The following PFDN2 variants were observed in gnomAD, a reference collection of about 807,000 sequenced individuals.
PFDN2 encodes the protein prefoldin subunit 2.
In PFDN2, 7 loss-of-function variants were observed where a neutral mutation model predicts 18.3. The ratio of observed to expected loss-of-function variants is 0.38; its 90% CI spans 0.22 to 0.72. PFDN2 has a LOEUF of 0.72. Among genes scored for constraint, PFDN2 ranks in the 30% least tolerant of loss-of-function variants. PFDN2 has a pLI of 0.47. For synonymous variants in PFDN2, 76 were observed against 75.0 expected, an observed-to-expected ratio of 1.01 and a Z score of -0.07; for missense variants, 181 against 199.1, an observed-to-expected ratio of 0.91 and a Z score of 0.55.
intron 2 of PFDN2, 55 bp from the exon 3 acceptor site, chr1:161,102,226 T>A: frequency 6.2e-7 from 1 of 1,613,392 alleles, no homozygotes; most frequent in Non-Finnish European, 8.5e-7. Flanking sequence ...CTACTACAAA[T>A]CCCCCTCACG....
At chr1:161,112,137 T>G (rs1654824585) in intron 1 of PFDN2, among the ~76,000 whole-genome samples, 1 of 152,210 alleles carries the variant, frequency 6.6e-6, no homozygotes, top group South Asian at 2.1e-4. Context: ...ACAGAATGCA[T>G]AAGTATTAAT....
At chr1:161,104,700 A>T (rs548791588) in intron 1 of PFDN2, among the ~76,000 whole-genome samples, 15 of 152,204 alleles carry the variant, frequency 9.9e-5, no homozygotes, top group Admixed American at 2.6e-4. Flanking sequence ...AAGTGCTGGG[A>T]TTACAGGCAT....
intron 1 of PFDN2, among the ~76,000 whole-genome samples, chr1:161,109,530 T>A (rs1263809632): frequency 6.6e-6 from 1 of 152,236 alleles, no homozygotes; most frequent in Non-Finnish European, 1.5e-5. Context: ...ATAGTCCTAC[T>A]ATAATCTGCC....
chr1:161,101,712 G>T (rs1654565360), intron 3 of PFDN2, among the ~76,000 whole-genome samples: 1 of 152,178 alleles, frequency 6.6e-6, no homozygotes, highest in Admixed American at 6.5e-5. Flanking sequence ...TCTTGTCTAA[G>T]AGTTGCACTT....
At chr1:161,100,927 T>C in intron 3 of PFDN2, 68 bp from the exon 4 acceptor site, 1 of 1,190,340 alleles carries the variant, frequency 8.4e-7, no homozygotes, top group South Asian at 1.3e-5. Context: ...GAATGGACTA[T>C]GGTTGGAGGA....
chr1:161,110,176 A>G (rs1571187127), intron 1 of PFDN2, among the ~76,000 whole-genome samples: 1 of 151,976 alleles, frequency 6.6e-6, no homozygotes, highest in South Asian at 2.1e-4. Flanking sequence ...CCTGGCCAAC[A>G]TGGTGAAACC....
intron 1 of PFDN2, among the ~76,000 whole-genome samples, chr1:161,107,168 G>A (rs1321204137): frequency 6.6e-6 from 1 of 152,216 alleles, no homozygotes; most frequent in East Asian, 1.9e-4. Flanking sequence ...GCTCACGCCT[G>A]TAATCCCAGC....
At chr1:161,108,773 ATCTCT>A (rs1557963987) in intron 1 of PFDN2, among the ~76,000 whole-genome samples, 1 of 152,142 alleles carries the variant, frequency 6.6e-6, no homozygotes, top group Non-Finnish European at 1.5e-5. Flanking sequence ...TCATGATTAT[ATCTCT>A]TCTCTTTCCC....
At chr1:161,107,330 CAGG>C (rs1447891860) in intron 1 of PFDN2, among the ~76,000 whole-genome samples, 3 of 145,046 alleles carry the variant, frequency 2.1e-5, no homozygotes, top group Non-Finnish European at 4.5e-5. Flanking sequence ...GAGGCTGAGG[CAGG>C]AGAACTGCTT....
intron 1 of PFDN2, among the ~76,000 whole-genome samples, chr1:161,103,933 C>T (rs899649051): frequency 6.6e-6 from 1 of 152,042 alleles, no homozygotes; most frequent in Non-Finnish European, 1.5e-5. Context: ...AGACATTTAA[C>T]CCTGTGGTTC....
At chr1:161,105,198 A>C (rs1441252741) in intron 1 of PFDN2, among the ~76,000 whole-genome samples, 1 of 151,964 alleles carries the variant, frequency 6.6e-6, no homozygotes, top group Non-Finnish European at 1.5e-5. Context: ...CCAACTTTTA[A>C]CTCCTGGGCT....
intron 3 of PFDN2, among the ~76,000 whole-genome samples, chr1:161,101,415 G>C (rs1654558082): frequency 6.6e-6 from 1 of 151,938 alleles, no homozygotes; most frequent in Admixed American, 6.6e-5. Flanking sequence ...TAGCCAGGAT[G>C]GTCTTGACCT....
At chr1:161,108,445 G>C (rs11581052) in intron 1 of PFDN2, among the ~76,000 whole-genome samples, 1,982 of 118,682 alleles carry the variant, frequency 0.017, 12 homozygotes, top group Non-Finnish European at 0.023. Context: ...GCACAAGACC[G>C]AAACTCCGTC....
intron 1 of PFDN2, among the ~76,000 whole-genome samples, chr1:161,104,335 G>A (rs941131756): frequency 2.6e-5 from 4 of 151,740 alleles, no homozygotes; most frequent in African/African-American, 9.7e-5. Flanking sequence ...CCAAATACGA[G>A]TGTATTTGCA....
chr1:161,111,149 G>T (rs953366393), intron 1 of PFDN2, among the ~76,000 whole-genome samples: 1 of 151,748 alleles, frequency 6.6e-6, no homozygotes, highest in Non-Finnish European at 1.5e-5. Flanking sequence ...CCGAGATGGG[G>T]GTCTTACTAT....
At position 161,118,005 on chromosome 1, in the gene PFDN2, C is replaced by G; in HGVS notation, c.22G>C (p.Ala8Pro). ...GCGCCGCTCCCGCTGCTCTTGCCGG[C>G]GCGACCGCTGTTCTCCGCCATCTTC... The part of the protein sequence containing the change: MAENSGR[A>P]GKSSGSGAGK... The change falls in exon 1 of 4, where the codon GCC becomes CCC. Residue 8 changes from alanine (A) to proline (P), a missense_variant. Physicochemically the swap from Ala to Pro is conservative, Grantham distance 27. Coordinates refer to ENST00000368010, the MANE Select transcript of PFDN2 (RefSeq NM_012394.4). The G allele has an allele frequency of 6.2e-7, 1 of 1,612,278 alleles. No individual in the cohort carries two copies. Among genetic ancestry groups the G allele is most frequent in the Non-Finnish European group, 8.5e-7 (1 of 1,179,490 alleles).
intron 1 of PFDN2, among the ~76,000 whole-genome samples, chr1:161,115,910 G>A (rs934727292): frequency 6.6e-5 from 10 of 152,056 alleles, no homozygotes; most frequent in Admixed American, 2.6e-4. Flanking sequence ...AGAGTGCTTG[G>A]CCCATGGTAG....
At chr1:161,116,578 T>C (rs1240499677) in intron 1 of PFDN2, among the ~76,000 whole-genome samples, 2 of 152,166 alleles carry the variant, frequency 1.3e-5, no homozygotes, top group African/African-American at 4.8e-5. Context: ...AGAAACCATA[T>C]TCCATAGCAC....
rs1654584423 is a variant in PFDN2 at position 161,102,314 on chromosome 1, T to G, written c.137A>C (p.Glu46Ala). Residue 46 changes from glutamate (E) to alanine (A), a missense_variant, in exon 2 of 4, where the codon GAG (glutamate) becomes GCG (alanine). Glu to Ala is a moderately radical substitution (Grantham distance 107). Transcript: ENST00000368010. ...GTGCTCATTCAACTCCATCTCCAAC[T>G]CAGCTGCTTTGGATGCCAGGCCTCG... The part of the protein sequence containing the change: ...EQRGLASKAA[E>A]LEMELNEHSL... 6.2e-7 allele frequency: 1 copy of G among 1,614,086 alleles called. No individual in the cohort carries two copies. Among genetic ancestry groups the G allele is most frequent in the Non-Finnish European group, 8.5e-7 (1 of 1,179,956 alleles).
Sources: allele counts gnomAD v4.1 joint callset (sites outside exome capture counted in the v4.1 genomes callset), GRCh38; gene constraint gnomAD v4.1.1; transcripts MANE v1.5; gene names NCBI Gene and HGNC (gene_info 2026-07-23, HGNC 2026-07-21).